The following RARB variants were observed in gnomAD, a reference collection of about 807,000 sequenced individuals.
The protein encoded by RARB is HBV-activated protein.
Under a neutral mutation model 51.9 loss-of-function variants are expected in RARB, and 17 were observed. The ratio of observed to expected loss-of-function variants is 0.33; its 90% CI spans 0.22 to 0.49. The LOEUF is 0.49. RARB is among the 20% of genes least tolerant of loss of function. The probability of loss-of-function intolerance (pLI) is 0.99; values close to 1 mark genes in which losing one functional copy is unlikely to be tolerated. For missense variants in RARB, 369 were observed against 550.8 expected (o/e 0.67, Z 3.30); for synonymous variants, 215 against 195.4 (o/e 1.10, Z -0.84).
At chr3:25,521,064 G>A (rs1011155157) in intron 3 of RARB, among the ~76,000 whole-genome samples, 9 of 152,158 alleles carry the variant, frequency 5.9e-5, no homozygotes, top group African/African-American at 1.2e-4. Flanking sequence ...AGAAACAGAG[G>A]ATATAAATGT....
chr3:25,339,240 A>G (rs1010613036), intron 5 of RARB, among the ~76,000 whole-genome samples: 2 of 152,164 alleles, frequency 1.3e-5, no homozygotes, highest in African/African-American at 4.8e-5. Context: ...CTCCTTCCAT[A>G]TTTTAAGTTT....
At chr3:25,023,520 A>G (rs1697681657) in intron 2 of RARB, among the ~76,000 whole-genome samples, 1 of 152,166 alleles carries the variant, frequency 6.6e-6, no homozygotes, top group African/African-American at 2.4e-5. Context: ...CTTCAACATA[A>G]GGGAAACACA....
chr3:24,983,381 T>A (rs1696718542), intron 2 of RARB, among the ~76,000 whole-genome samples: 1 of 152,182 alleles, frequency 6.6e-6, no homozygotes, highest in Admixed American at 6.5e-5. Flanking sequence ...TTTATTTATT[T>A]TCTACCTTAA....
chr3:25,433,876 C>G (rs1364604365), intron 1 of RARB, among the ~76,000 whole-genome samples: 1 of 152,126 alleles, frequency 6.6e-6, no homozygotes, highest in African/African-American at 2.4e-5. Context: ...AATAAAGTTG[C>G]AAAAGTTCTC....
At chr3:24,918,454 A>G (rs115073085) in intron 2 of RARB, among the ~76,000 whole-genome samples, 73 of 152,348 alleles carry the variant, frequency 4.8e-4, no homozygotes, top group African/African-American at 1.6e-3. Flanking sequence ...GGTGACGGAG[A>G]TATTTTAAAA....
chr3:24,970,048 T>G (rs1268344711), intron 2 of RARB, among the ~76,000 whole-genome samples: 4 of 152,154 alleles, frequency 2.6e-5, no homozygotes, highest in Admixed American at 2.6e-4. Flanking sequence ...AGTACATATT[T>G]TAGGCTGTGT....
chr3:25,176,366 C>T (rs201873001), intron 5 of RARB, among the ~76,000 whole-genome samples: 2,752 of 60,290 alleles, frequency 0.046, 22 homozygotes, highest in East Asian at 0.093. Context: ...TCCTTCCTTC[C>T]TTCCTTCCTT....
intron 2 of RARB, among the ~76,000 whole-genome samples, chr3:25,467,401 G>T (rs1437537095): frequency 6.6e-6 from 1 of 152,238 alleles, no homozygotes; most frequent in African/African-American, 2.4e-5. Context: ...GGCCTTGGCA[G>T]GATGACCAGA....
chr3:24,924,785 G>C (rs1695283269), intron 2 of RARB, among the ~76,000 whole-genome samples: 1 of 152,076 alleles, frequency 6.6e-6, no homozygotes, highest in African/African-American at 2.4e-5. Flanking sequence ...TCAAAACCTA[G>C]CTCTACCACG....
At chr3:25,181,118 GAC>G (rs927780803) in intron 5 of RARB, among the ~76,000 whole-genome samples, 2 of 152,038 alleles carry the variant, frequency 1.3e-5, no homozygotes, top group African/African-American at 4.8e-5. Flanking sequence ...ATATTGAGGG[GAC>G]ACACAGGTTT....
intron 3 of RARB, among the ~76,000 whole-genome samples, chr3:25,066,456 T>G (rs1043059231): frequency 1.3e-5 from 2 of 152,214 alleles, no homozygotes; most frequent in African/African-American, 4.8e-5. Flanking sequence ...TATTCTTCCC[T>G]GAAAGTCACT....
chr3:24,914,571 C>A (rs1351438813), intron 2 of RARB, among the ~76,000 whole-genome samples: 1 of 152,110 alleles, frequency 6.6e-6, no homozygotes, highest in Non-Finnish European at 1.5e-5. Context: ...ATACTCGTGT[C>A]CCTGATAGAA....
chr3:24,831,376 C>T (rs1339735520), intron 1 of RARB, among the ~76,000 whole-genome samples: 1 of 152,136 alleles, frequency 6.6e-6, no homozygotes, highest in Non-Finnish European at 1.5e-5. Context: ...ACGTTAATGT[C>T]CTGGTATTTT....
chr3:25,407,758 CTT>C lies in RARB; in HGVS notation c.179-53423_179-53422del, dbSNP rs11293787. On this transcript the variant is annotated intron_variant, in intron 5 of 11. Transcript: ENST00000383772. ...ATACTTTCAGTTCTCTGCATGAAGG[CTT>C]TTTTTTTTTTTCCTGGCCATGAGAA... is the stretch of plus-strand genomic sequence containing the variant. 7.4e-3 allele frequency among the ~76,000 whole-genome samples: 1,085 copies of C among 146,658 alleles called. 6 individuals are homozygous for C. The highest frequency in any genetic ancestry group is 0.02 in the African/African-American group (798 of 40,128).
chr3:24,953,011 T>C (rs1559409381), intron 2 of RARB, among the ~76,000 whole-genome samples: 1 of 152,136 alleles, frequency 6.6e-6, no homozygotes, highest in Non-Finnish European at 1.5e-5. Flanking sequence ...AAACTACTCA[T>C]TGTGGCCAAA....
At chr3:25,420,929 C>T (rs1223828435) in intron 5 of RARB, among the ~76,000 whole-genome samples, 1 of 150,274 alleles carries the variant, frequency 6.7e-6, no homozygotes, top group East Asian at 1.9e-4. Flanking sequence ...TTATGCAATA[C>T]CTTTGCCATT....
intron 5 of RARB, among the ~76,000 whole-genome samples, chr3:25,581,592 C>T (rs1253409885): frequency 5.3e-5 from 8 of 152,278 alleles, no homozygotes; most frequent in South Asian, 2.1e-4. Context: ...GGCCCACAGA[C>T]GTGCTATGAC....
At chr3:24,903,019 A>T (rs999222419) in intron 2 of RARB, among the ~76,000 whole-genome samples, 2 of 152,184 alleles carry the variant, frequency 1.3e-5, no homozygotes, top group Admixed American at 1.3e-4. Context: ...GAGTAACAAG[A>T]ATAACTGTTA....
At chr3:24,848,091 G>C (rs1424177158) in intron 1 of RARB, among the ~76,000 whole-genome samples, 1 of 152,186 alleles carries the variant, frequency 6.6e-6, no homozygotes, top group Non-Finnish European at 1.5e-5. Flanking sequence ...AGACGGTCTT[G>C]TTCTGTGGCC....
Sources: gnomAD v4.1 joint callset for allele counts (sites outside exome capture counted in the v4.1 genomes callset) on GRCh38, gnomAD v4.1.1 for gene constraint, MANE v1.5 for transcripts, NCBI Gene and HGNC (gene_info 2026-07-23, HGNC 2026-07-21) for gene names.